The following OSBPL1A variants were observed in gnomAD, a reference collection of about 807,000 sequenced individuals.
OSBPL1A encodes oxysterol binding protein like 1A.
Under a neutral mutation model 137.1 loss-of-function variants are expected in OSBPL1A, and 80 were observed. The observed-to-expected ratio is 0.58, with a 90% CI of 0.49 to 0.70. OSBPL1A has a LOEUF of 0.70. Among genes scored for constraint, OSBPL1A ranks in the 30% least tolerant of loss-of-function variants. OSBPL1A has a pLI of 0.00. For synonymous variants in OSBPL1A, 365 were observed against 389.7 expected (o/e 0.94, Z 0.75); for missense variants, 970 against 1,129.4 (o/e 0.86, Z 2.02).
intron 15 of OSBPL1A, among the ~76,000 whole-genome samples, chr18:24,251,520 T>A (rs1287065211): frequency 6.6e-6 from 1 of 152,244 alleles, no homozygotes; most frequent in Non-Finnish European, 1.5e-5. Context: ...GCAGTACCTC[T>A]GCAAATATGG....
chr18:24,175,108 G>GTATATATATATATATATGTA (rs2086396364), intron 21 of OSBPL1A, among the ~76,000 whole-genome samples: 4 of 111,530 alleles, frequency 3.6e-5, no homozygotes, highest in African/African-American at 1.8e-4. Context: ...CCATGTGTAT[G>GTATATATATATATATATGTA]TATATATATA....
At chr18:24,339,237 G>A (rs1417448090) in intron 5 of OSBPL1A, among the ~76,000 whole-genome samples, 1 of 152,166 alleles carries the variant, frequency 6.6e-6, no homozygotes, top group Non-Finnish European at 1.5e-5. Flanking sequence ...CTCCCAAAGT[G>A]CTGGGATTAC....
intron 13 of OSBPL1A, among the ~76,000 whole-genome samples, chr18:24,307,090 TA>T (rs1759056378): frequency 1.1e-5 from 1 of 87,142 alleles, no homozygotes; most frequent in African/African-American, 5.4e-5. Flanking sequence ...ACCTAATCTC[TA>T]CAAAAAAAAA....
chr18:24,338,782 C>T (rs574203535), intron 5 of OSBPL1A, among the ~76,000 whole-genome samples: 1 of 152,290 alleles, frequency 6.6e-6, no homozygotes, highest in East Asian at 1.9e-4. Context: ...GGCACAATCT[C>T]GGCTCACTGC....
intron 1 of OSBPL1A, among the ~76,000 whole-genome samples, chr18:24,391,791 T>C (rs981747959): frequency 6.6e-6 from 1 of 152,146 alleles, no homozygotes; most frequent in Non-Finnish European, 1.5e-5. Context: ...TGATGTTATG[T>C]ACATTTTATC....
At position 24,314,469 on chromosome 18, in the gene OSBPL1A, A is replaced by AC; in HGVS notation, c.871-123_871-122insG. On this transcript the variant is annotated intron_variant, in intron 11 of 27. Coordinates refer to ENST00000319481, the MANE Select transcript of OSBPL1A (RefSeq NM_080597.4). The stretch of plus-strand genomic sequence containing the variant: ...ACGATACCCAGTTGAACACTTAAGT[A>AC]TTGACAGATAAAAATTGGAAAAAAA... 13 of 600,050 alleles carry AC rather than the reference A, an allele frequency of 2.2e-5. No individual in the cohort carries two copies. The Middle Eastern group carries it at 5.0e-3, about 230-fold the overall frequency. 37.2% of individuals were successfully genotyped at this position (600,050 alleles called of 1,614,324 possible).
intron 15 of OSBPL1A, 66 bp from the exon 16 acceptor site, chr18:24,239,448 T>G (rs2088611457): frequency 1.4e-6 from 2 of 1,426,692 alleles, no homozygotes; most frequent in Non-Finnish European, 1.9e-6. Context: ...ACTCAGAGGA[T>G]GTGAAAATTA....
intron 21 of OSBPL1A, among the ~76,000 whole-genome samples, chr18:24,174,376 T>G (rs1190086530): frequency 6.6e-6 from 1 of 152,202 alleles, no homozygotes; most frequent in Non-Finnish European, 1.5e-5. Context: ...CATTCCAAAT[T>G]CAAAACTTGG....
chr18:24,194,551 G>A (rs576163247), intron 18 of OSBPL1A, among the ~76,000 whole-genome samples: 1 of 152,210 alleles, frequency 6.6e-6, no homozygotes, highest in South Asian at 2.1e-4. Context: ...GTGTGTTACT[G>A]TCATCTGTCT....
intron 16 of OSBPL1A, among the ~76,000 whole-genome samples, chr18:24,232,144 A>G (rs2088302650): frequency 6.6e-6 from 1 of 152,228 alleles, no homozygotes; most frequent in Non-Finnish European, 1.5e-5. Context: ...CCAAATTTTT[A>G]TTTAGCCTTG....
chr18:24,213,105 C>A (rs2087593168), intron 17 of OSBPL1A, among the ~76,000 whole-genome samples: 1 of 152,182 alleles, frequency 6.6e-6, no homozygotes, highest in Non-Finnish European at 1.5e-5. Context: ...GGTGACTCAA[C>A]AGCTGGGTAT....
chr18:24,360,380 A>C (rs974160229), intron 4 of OSBPL1A, among the ~76,000 whole-genome samples: 2 of 152,242 alleles, frequency 1.3e-5, no homozygotes, highest in African/African-American at 2.4e-5. Flanking sequence ...CAGGATCATA[A>C]GATATTTTAA....
rs539256061 is a variant in OSBPL1A, at chr18:24,178,168, G to A, written c.1938C>T (p.Ser646=). 2.9e-5 allele frequency: 46 copies of A among 1,605,588 alleles called. 1 individual carries two copies. In the South Asian group the frequency reaches 3.6e-4, roughly 12 times the overall value. Residue 646 remains serine, a synonymous_variant, in exon 21 of 28, where the codon TCC becomes TCT. Coordinates refer to ENST00000319481, the MANE Select transcript of OSBPL1A (RefSeq NM_080597.4). ...VRDDLGFRLI[S]EQVSHHPPIS... ...TTGGTGGGTGATGGCTGACCTGTTCGGAGATGAGTCTAAATCCAAGGTCAT... is the reference window on the plus strand; with the variant it reads ...TTGGTGGGTGATGGCTGACCTGTTCAGAGATGAGTCTAAATCCAAGGTCAT...
At chr18:24,232,095 T>C (rs1813994460) in intron 16 of OSBPL1A, among the ~76,000 whole-genome samples, 1 of 152,170 alleles carries the variant, frequency 6.6e-6, no homozygotes, top group African/African-American at 2.4e-5. Flanking sequence ...GTTCTGAAAA[T>C]GTCCAAAGCA....
intron 14 of OSBPL1A, 105 bp downstream of exon 14, chr18:24,303,530 CTT>C: frequency 1.2e-6 from 1 of 857,694 alleles, no homozygotes; most frequent in Non-Finnish European, 1.8e-6. Flanking sequence ...AAATATAACT[CTT>C]AATTCAAAAC....
At chr18:24,170,255 C>G (rs963388239) in intron 24 of OSBPL1A, 72 bp downstream of exon 24, 1 of 1,547,458 alleles carries the variant, frequency 6.5e-7, no homozygotes, top group Middle Eastern at 1.7e-4. Context: ...CTAGAACAGG[C>G]CACCTCCAAA....
intron 15 of OSBPL1A, among the ~76,000 whole-genome samples, chr18:24,269,235 T>C (rs1188138518): frequency 6.6e-6 from 1 of 152,194 alleles, no homozygotes; most frequent in Admixed American, 6.5e-5. Context: ...CTGATTAAAA[T>C]CTTTCAGTGA....
At position 24,239,988 on chromosome 18, in the gene OSBPL1A, C is replaced by T. The variant is rs117286112; in HGVS notation, c.1282-606G>A. Among the ~76,000 whole-genome samples the T allele has an allele frequency of 4.7e-3, 623 of 133,512 alleles. 1 individual carries two copies. The highest frequency in any genetic ancestry group is 6.8e-3 in the Non-Finnish European group (449 of 65,730). 87.6% of individuals were successfully genotyped at this position (133,512 alleles called of 152,430 possible). On this transcript the variant is annotated intron_variant, in intron 15 of 27. Transcript: ENST00000319481. ...TCGCCTAAGCTGGAGTGCAGTGGTG[C>T]GATCTCGACTCTGAAACCTCCGCCT...
chr18:24,366,787 G>A (rs1352983915), intron 4 of OSBPL1A, 105 bp downstream of exon 4: 2 of 1,118,996 alleles, frequency 1.8e-6, no homozygotes, highest in African/African-American at 1.6e-5. Context: ...ATTTTTTTGT[G>A]TGGCTTTCTT....
Sources: gnomAD v4.1 joint callset for allele counts (sites outside exome capture counted in the v4.1 genomes callset) on GRCh38, gnomAD v4.1.1 for gene constraint, MANE v1.5 for transcripts, NCBI Gene and HGNC (gene_info 2026-07-23, HGNC 2026-07-21) for gene names.